Variants in RBFOX1 observed in about 807,000 individuals in gnomAD.
RBFOX1 encodes RNA binding fox-1 homolog 1, also known as RNA binding protein fox-1 homolog 1.
Under a neutral mutation model 57.7 loss-of-function variants are expected in RBFOX1, and 8 were observed. That is an observed-to-expected ratio of 0.14 (90% CI 0.08 to 0.25). The LOEUF is 0.25. Ranked by LOEUF, RBFOX1 falls within the 10% of genes least tolerant of loss-of-function variation. The probability of loss-of-function intolerance (pLI) is 1.00; values close to 1 mark genes in which losing one functional copy is unlikely to be tolerated. For synonymous variants in RBFOX1, 326 were observed against 222.4 expected, an observed-to-expected ratio of 1.47 and a Z score of -4.15; for missense variants, 611 against 548.5, an observed-to-expected ratio of 1.11 and a Z score of -1.14.
At chr16:5,536,723 A>G (rs1011974685) in intron 2 of RBFOX1, among the ~76,000 whole-genome samples, 2 of 152,036 alleles carry the variant, frequency 1.3e-5, no homozygotes, top group African/African-American at 4.8e-5. Context: ...AGGAAGAGAA[A>G]TGGGTCAACA....
intron 4 of RBFOX1, among the ~76,000 whole-genome samples, chr16:5,911,985 T>G (rs2058612482): frequency 6.6e-6 from 1 of 152,074 alleles, no homozygotes; most frequent in African/African-American, 2.4e-5. Context: ...GGGGAGAAAT[T>G]TGGAGACAGG....
chr16:6,826,572 T>A (rs1567432961), intron 3 of RBFOX1, among the ~76,000 whole-genome samples: 1 of 152,160 alleles, frequency 6.6e-6, no homozygotes, highest in African/African-American at 2.4e-5. Flanking sequence ...ATGCGTGCTC[T>A]CACGTGCTCT....
intron 4 of RBFOX1, among the ~76,000 whole-genome samples, chr16:7,334,571 G>A (rs1389134956): frequency 6.6e-6 from 1 of 152,146 alleles, no homozygotes. Context: ...ATAAGTTCCT[G>A]TTATAGATTA....
chr16:5,443,356 T>C (rs952718154), intron 1 of RBFOX1, among the ~76,000 whole-genome samples: 9 of 152,138 alleles, frequency 5.9e-5, no homozygotes, highest in Non-Finnish European at 1.5e-5. Flanking sequence ...TTGTTTGTTT[T>C]AGATGGAGTG....
chr16:5,321,581 T>G (rs2064409440), intron 1 of RBFOX1, among the ~76,000 whole-genome samples: 2 of 152,082 alleles, frequency 1.3e-5, no homozygotes, highest in African/African-American at 4.8e-5. Context: ...TGGCGCAAAG[T>G]GCTGGGATTA....
At chr16:5,832,117 A>G (rs2056295644) in intron 3 of RBFOX1, among the ~76,000 whole-genome samples, 1 of 152,184 alleles carries the variant, frequency 6.6e-6, no homozygotes, top group African/African-American at 2.4e-5. Context: ...GAGAACTGGG[A>G]ACTGAAACAG....
chr16:6,834,781 C>T lies in RBFOX1; in HGVS notation c.-16+180131C>T, dbSNP rs546299678. On this transcript the variant is annotated intron_variant, in intron 3 of 15. Transcript: ENST00000550418. ...TGCATTTACTCAGGTAACTGTGGCT[C>T]TCAGAGTCATTCTTAAATGTTTTCT... 5.1e-3 allele frequency among the ~76,000 whole-genome samples: 780 copies of T among 152,140 alleles called. 3 individuals are homozygous for T. Among genetic ancestry groups the T allele is most frequent in the Non-Finnish European group, 8.3e-3 (567 of 68,008 alleles).
chr16:5,396,480 A>C (rs1229341690), intron 1 of RBFOX1, among the ~76,000 whole-genome samples: 1 of 152,126 alleles, frequency 6.6e-6, no homozygotes, highest in Admixed American at 6.6e-5. Context: ...ATCTCTACTA[A>C]AAATAAAAAA....
intron 3 of RBFOX1, among the ~76,000 whole-genome samples, chr16:6,872,538 C>A (rs2061118894): frequency 6.6e-6 from 1 of 152,090 alleles, no homozygotes; most frequent in Non-Finnish European, 1.5e-5. Context: ...AGTCTGGTTC[C>A]TGTTTATATT....
intron 4 of RBFOX1, among the ~76,000 whole-genome samples, chr16:7,307,222 G>A (rs1018421755): frequency 5.9e-5 from 9 of 152,178 alleles, no homozygotes; most frequent in Non-Finnish European, 1.2e-4. Flanking sequence ...CTTCCCTGAA[G>A]TATATTTTTC....
At chr16:5,589,009 C>A (rs531952800) in intron 2 of RBFOX1, among the ~76,000 whole-genome samples, 1 of 152,152 alleles carries the variant, frequency 6.6e-6, no homozygotes. Flanking sequence ...GTTTGTTAAT[C>A]TTCTGGATGT....
At chr16:6,527,888 C>T (rs772032707) in intron 2 of RBFOX1, among the ~76,000 whole-genome samples, 1 of 152,112 alleles carries the variant, frequency 6.6e-6, no homozygotes, top group Non-Finnish European at 1.5e-5. Flanking sequence ...AGTGACCACA[C>T]CCCTCAGTCA....
intron 4 of RBFOX1, among the ~76,000 whole-genome samples, chr16:7,196,160 C>T (rs374150811): frequency 7.9e-5 from 12 of 152,238 alleles, no homozygotes; most frequent in African/African-American, 2.4e-4. Context: ...ACAGGCTTGG[C>T]CCAATAATTT....
At chr16:6,422,781 G>A (rs79750291) in intron 2 of RBFOX1, among the ~76,000 whole-genome samples, 6,883 of 152,160 alleles carry the variant, frequency 0.045, 537 homozygotes, top group African/African-American at 0.16. Context: ...ATCCACCGCT[G>A]TGAGCCAACC....
chr16:7,378,910 G>C (rs1339498564), intron 4 of RBFOX1, among the ~76,000 whole-genome samples: 1 of 152,184 alleles, frequency 6.6e-6, no homozygotes. Context: ...GATTATCACT[G>C]TTTCACCAGA....
At position 5,343,617 on chromosome 16, in the gene RBFOX1, G is replaced by A. The variant is rs930164519; in HGVS notation, c.219+103512G>A. ...ATTACAGGCATGAGCCACTGCGCCC[G>A]GCCACTTCTTTGAAGTTTTAACCAT... On this transcript the variant is annotated intron_variant, in intron 1 of 2. Coordinates refer to the RBFOX1 transcript ENST00000585867. 4.6e-5 allele frequency among the ~76,000 whole-genome samples: 7 copies of A among 152,068 alleles called. No individual in the cohort carries two copies. The East Asian group carries it at 5.8e-4, about 13-fold the overall frequency.
chr16:5,763,027 C>T (rs1346062417), intron 3 of RBFOX1, among the ~76,000 whole-genome samples: 2 of 152,076 alleles, frequency 1.3e-5, no homozygotes, highest in African/African-American at 4.8e-5. Flanking sequence ...ACTGTTTGCA[C>T]ATATCTGTTT....
At chr16:7,072,090 T>C (rs2057450904) in intron 4 of RBFOX1, among the ~76,000 whole-genome samples, 1 of 152,224 alleles carries the variant, frequency 6.6e-6, no homozygotes, top group Admixed American at 6.5e-5. Context: ...TCTCTAGTCT[T>C]TGTTCCTTTT....
At chr16:5,620,087 A>T (rs1236630673) in intron 3 of RBFOX1, among the ~76,000 whole-genome samples, 1 of 151,952 alleles carries the variant, frequency 6.6e-6, no homozygotes, top group Non-Finnish European at 1.5e-5. Context: ...GGCCTCGCTT[A>T]CTTTCCTAGT....
Sources: gnomAD v4.1 joint callset for allele counts (sites outside exome capture counted in the v4.1 genomes callset) on GRCh38, gnomAD v4.1.1 for gene constraint, MANE v1.5 for transcripts, NCBI Gene and HGNC (gene_info 2026-07-23, HGNC 2026-07-21) for gene names.